CNTNAP5: variants seen among roughly 807,000 people sequenced by gnomAD.
The protein encoded by CNTNAP5 is contactin-associated protein-like 5.
CNTNAP5 carries 72 observed loss-of-function variants against 150.2 expected under a neutral mutation model. That is an observed-to-expected ratio of 0.48 (90% CI 0.40 to 0.58). CNTNAP5 has a LOEUF of 0.58. Ranked by LOEUF, CNTNAP5 falls within the 20% of genes least tolerant of loss-of-function variation. The pLI, the probability that CNTNAP5 is intolerant of heterozygous loss-of-function variation, is 0.00. For synonymous variants in CNTNAP5, 672 were observed against 619.8 expected (o/e 1.08, Z -1.25); for missense variants, 1,636 against 1,626.2 (o/e 1.01, Z -0.10).
Position 124,633,382 on chromosome 2 carries a change from C to T in CNTNAP5, c.1877-14376C>T, listed in dbSNP as rs1052407271. On this transcript the variant is annotated intron_variant, in intron 12 of 23. Transcript: ENST00000682447. ...TTGGCCAAAAGAAAGGGGGTACAGG[C>T]ACCATGAAACTCAGCAGGGCAGTCA... is the stretch of plus-strand genomic sequence containing the variant. Among the ~76,000 whole-genome samples, 18 of 152,286 alleles carry T rather than the reference C, an allele frequency of 1.2e-4. 1 individual carries two copies. Among genetic ancestry groups the T allele is most frequent in the Admixed American group, 6.5e-4 (10 of 15,304 alleles).
At chr2:124,834,582 A>G (rs893035796) in intron 19 of CNTNAP5, among the ~76,000 whole-genome samples, 1 of 152,016 alleles carries the variant, frequency 6.6e-6, no homozygotes, top group African/African-American at 2.4e-5. Flanking sequence ...GGCAATGGAG[A>G]CAGGGGCTGG....
chr2:124,306,473 C>T (rs774370691), intron 3 of CNTNAP5, among the ~76,000 whole-genome samples: 1 of 152,144 alleles, frequency 6.6e-6, no homozygotes, highest in Non-Finnish European at 1.5e-5. Context: ...ATGACTCTGG[C>T]CAGGAATATG....
At chr2:124,568,160 A>C (rs1244859501) in intron 11 of CNTNAP5, among the ~76,000 whole-genome samples, 1 of 152,194 alleles carries the variant, frequency 6.6e-6, no homozygotes, top group Non-Finnish European at 1.5e-5. Context: ...GACCTCTTTT[A>C]TATTGCTTAA....
intron 1 of CNTNAP5, among the ~76,000 whole-genome samples, chr2:124,103,242 C>T (rs190734801): frequency 2.6e-5 from 4 of 151,934 alleles, no homozygotes; most frequent in East Asian, 3.9e-4. Context: ...AGCTCAGTGC[C>T]GTTACAAAAG....
intron 8 of CNTNAP5, among the ~76,000 whole-genome samples, chr2:124,508,934 G>A (rs1037699568): frequency 6.6e-6 from 1 of 152,172 alleles, no homozygotes; most frequent in African/African-American, 2.4e-5. Flanking sequence ...TTTAAAAGAA[G>A]ATGAAAATCT....
At chr2:124,203,138 A>G (rs1685770116) in intron 1 of CNTNAP5, among the ~76,000 whole-genome samples, 1 of 152,178 alleles carries the variant, frequency 6.6e-6, no homozygotes, top group Admixed American at 6.5e-5. Context: ...ACCCATTGCA[A>G]ATGGAAGACA....
intron 3 of CNTNAP5, among the ~76,000 whole-genome samples, chr2:124,323,362 C>A (rs1689143205): frequency 6.6e-6 from 1 of 152,098 alleles, no homozygotes; most frequent in Admixed American, 6.6e-5. Context: ...AAGTCAAGAC[C>A]TACTCTTATA....
At chr2:124,414,495 C>A (rs1015773708) in intron 3 of CNTNAP5, among the ~76,000 whole-genome samples, 6 of 152,102 alleles carry the variant, frequency 3.9e-5, no homozygotes, top group Non-Finnish European at 7.4e-5. Flanking sequence ...TATGAAACTG[C>A]AAATGATATG....
intron 19 of CNTNAP5, among the ~76,000 whole-genome samples, chr2:124,856,405 A>C (rs757285915): frequency 6.6e-6 from 1 of 152,172 alleles, no homozygotes; most frequent in Non-Finnish European, 1.5e-5. Flanking sequence ...TTCTTTAAGG[A>C]ATCTCCACAC....
In CNTNAP5 at chr2:124,257,005, T is replaced by A. The variant is rs556282965; in HGVS notation, c.381+14612T>A. 2.6e-5 allele frequency among the ~76,000 whole-genome samples: 4 copies of A among 152,144 alleles called. No individual in the cohort carries two copies. The South Asian group carries it at 8.3e-4, about 32-fold the overall frequency. ...AAACAGAGGGGACACCTAAGACAGG[T>A]CATTTAAAGAAAAAGGCAGATACTA... On this transcript the variant is annotated intron_variant, in intron 3 of 23. Transcript: ENST00000682447.
At chr2:124,195,014 C>T (rs1301545282) in intron 1 of CNTNAP5, among the ~76,000 whole-genome samples, 1 of 150,692 alleles carries the variant, frequency 6.6e-6, no homozygotes, top group East Asian at 2.0e-4. Flanking sequence ...AGAAAACTGG[C>T]CAAATAGATC....
At chr2:124,291,491 GT>G (rs1688292037) in intron 3 of CNTNAP5, among the ~76,000 whole-genome samples, 1 of 151,068 alleles carries the variant, frequency 6.6e-6, no homozygotes, top group South Asian at 2.1e-4. Flanking sequence ...GAAAAAATCA[GT>G]ATTTGTAATT....
At chr2:124,722,410 A>G (rs552236393) in intron 13 of CNTNAP5, among the ~76,000 whole-genome samples, 1 of 152,316 alleles carries the variant, frequency 6.6e-6, no homozygotes, top group African/African-American at 2.4e-5. Flanking sequence ...ATAATGGCAG[A>G]CAATCACCAG....
chr2:124,593,252 A>G (rs1182312716), intron 11 of CNTNAP5, among the ~76,000 whole-genome samples: 2 of 142,388 alleles, frequency 1.4e-5, no homozygotes, highest in South Asian at 2.3e-4. Context: ...GTCATCTAGC[A>G]TTAGGTATAT....
chr2:124,667,553 G>C (rs548674150), intron 13 of CNTNAP5, among the ~76,000 whole-genome samples: 27 of 152,258 alleles, frequency 1.8e-4, no homozygotes, highest in African/African-American at 5.5e-4. Context: ...GTTCTTCCCT[G>C]CCTCAGGGCA....
chr2:124,533,275 A>G (rs1430499215), intron 10 of CNTNAP5, among the ~76,000 whole-genome samples: 1 of 151,236 alleles, frequency 6.6e-6, no homozygotes, highest in Non-Finnish European at 1.5e-5. Flanking sequence ...ATTTGCAGAA[A>G]CCTGAGAGTG....
At chr2:124,162,773 A>G (rs1332084635) in intron 1 of CNTNAP5, among the ~76,000 whole-genome samples, 1 of 152,164 alleles carries the variant, frequency 6.6e-6, no homozygotes, top group Non-Finnish European at 1.5e-5. Flanking sequence ...CTATATGCCT[A>G]TGTGAATCAA....
intron 1 of CNTNAP5, among the ~76,000 whole-genome samples, chr2:124,198,575 C>T (rs1242616623): frequency 1.3e-5 from 2 of 152,058 alleles, no homozygotes; most frequent in African/African-American, 2.4e-5. Context: ...TCCCTCTCTC[C>T]CCACTCTAGG....
Position 124,806,380 on chromosome 2 carries a change from T to C in CNTNAP5, c.3217+8060T>C, listed in dbSNP as rs1024399833. Among the ~76,000 whole-genome samples, 5 of 152,266 alleles carry C rather than the reference T, an allele frequency of 3.3e-5. 1 individual carries two copies. On this transcript the variant is annotated intron_variant, in intron 19 of 23. Coordinates refer to ENST00000682447, the MANE Select transcript of CNTNAP5 (RefSeq NM_001367498.1). ...CATTTCAAAAGTCTTCTAGTATAAA[T>C]AGGCATGAATATACATTGCATTAAT...
Sources: gnomAD v4.1 joint callset for allele counts (sites outside exome capture counted in the v4.1 genomes callset) on GRCh38, gnomAD v4.1.1 for gene constraint, MANE v1.5 for transcripts, NCBI Gene and HGNC (gene_info 2026-07-23, HGNC 2026-07-21) for gene names.